Variants in IQGAP2 observed in about 807,000 individuals in gnomAD.
IQGAP2 encodes the protein ras GTPase-activating-like protein IQGAP2.
A neutral mutation model predicts 201.3 loss-of-function variants in IQGAP2; 173 were observed. The ratio of observed to expected loss-of-function variants is 0.86; its 90% CI spans 0.76 to 0.98. The LOEUF (loss-of-function observed/expected upper bound fraction) is 0.98, where lower values mean the gene tolerates loss of function less well. Ranked by LOEUF, IQGAP2 falls within the 50% of genes least tolerant of loss-of-function variation. The pLI, the probability that IQGAP2 is intolerant of heterozygous loss-of-function variation, is 0.00. For missense variants in IQGAP2, 1,687 were observed against 1,864.8 expected, an observed-to-expected ratio of 0.90 and a Z score of 1.76; for synonymous variants, 675 against 673.9, an observed-to-expected ratio of 1.00 and a Z score of -0.03.
At chr5:76,611,618 T>A (rs934489095) in intron 13 of IQGAP2, among the ~76,000 whole-genome samples, 7 of 152,158 alleles carry the variant, frequency 4.6e-5, no homozygotes, top group Non-Finnish European at 1.0e-4. Flanking sequence ...AGTCAAGTAA[T>A]AGTAAAGATA....
intron 1 of IQGAP2, among the ~76,000 whole-genome samples, chr5:76,426,458 A>G (rs961982059): frequency 6.6e-6 from 1 of 152,210 alleles, no homozygotes; most frequent in Non-Finnish European, 1.5e-5. Context: ...AAACAGTTGG[A>G]GAGGATGCCA....
At chr5:76,613,415 C>T (rs540895024) in intron 13 of IQGAP2, among the ~76,000 whole-genome samples, 1 of 152,132 alleles carries the variant, frequency 6.6e-6, no homozygotes, top group Non-Finnish European at 1.5e-5. Flanking sequence ...TTGGTCAAAT[C>T]ATCAAATCTC....
chr5:76,601,397 C>T (rs1483548753), intron 11 of IQGAP2, among the ~76,000 whole-genome samples: 1 of 152,126 alleles, frequency 6.6e-6, no homozygotes, highest in Non-Finnish European at 1.5e-5. Flanking sequence ...CAGTTGGGCC[C>T]CAAACTCCAC....
Position 76,707,422 on chromosome 5 carries a change from T to G in IQGAP2, c.*109T>G. 1.5e-6 allele frequency: 1 copy of G among 663,776 alleles called. No individual in the cohort carries two copies. Among genetic ancestry groups the G allele is most frequent in the South Asian group, 1.7e-5 (1 of 59,384 alleles). The allele number at this position is 663,776 out of a possible 1,614,324, so 41.1% of individuals were successfully genotyped here. A position where few individuals can be genotyped will look rare whatever the true frequency, so the allele number is the denominator to read the frequency against. ...GAAATCACTGCTTATAAATGTGTGA[T>G]TTTTTTAAAACGACCAAAACTGTTC... On this transcript the variant is annotated 3_prime_UTR_variant, in exon 36 of 36. Coordinates refer to ENST00000274364, the MANE Select transcript of IQGAP2 (RefSeq NM_006633.5).
intron 2 of IQGAP2, among the ~76,000 whole-genome samples, chr5:76,497,134 T>C (rs1757038198): frequency 6.6e-6 from 1 of 152,150 alleles, no homozygotes; most frequent in South Asian, 2.1e-4. Flanking sequence ...GGCCCAAATC[T>C]TTCTATTAGC....
At chr5:76,574,168 TTTAC>T (rs1371749902) in intron 4 of IQGAP2, among the ~76,000 whole-genome samples, 1 of 152,228 alleles carries the variant, frequency 6.6e-6, no homozygotes, top group Non-Finnish European at 1.5e-5. Flanking sequence ...TTATAAAATA[TTTAC>T]TTAAAGTAAA....
intron 13 of IQGAP2, among the ~76,000 whole-genome samples, chr5:76,620,479 CAAG>C (rs1749539925): frequency 6.6e-6 from 1 of 152,104 alleles, no homozygotes; most frequent in Admixed American, 6.5e-5. Flanking sequence ...TGGAGGGAGA[CAAG>C]GAGACAGGAT....
Position 76,674,606 on chromosome 5 carries a change from G to A in IQGAP2, c.3424G>A (p.Ala1142Thr). 1.2e-6 allele frequency: 2 copies of A among 1,614,098 alleles called. No individual in the cohort carries two copies. Among genetic ancestry groups the A allele is most frequent in the Non-Finnish European group, 1.7e-6 (2 of 1,179,990 alleles). ...SDQRRNLGSV[A>T]KVLQHAASNK... ...CCAAAGGAGAAACTTAGGATCAGTG[G>A]CCAAGGTTCTTCAGCACGCAGCCTC... The change falls in exon 27 of 36, where the codon GCC becomes ACC. Residue 1142 changes from alanine to threonine, a missense_variant. By Grantham distance (58) the Ala-to-Thr change is moderately conservative (BLOSUM62 0). Transcript: ENST00000274364.
At chr5:76,444,774 T>G (rs1474008347) in intron 1 of IQGAP2, among the ~76,000 whole-genome samples, 1 of 152,214 alleles carries the variant, frequency 6.6e-6, no homozygotes, top group African/African-American at 2.4e-5. Flanking sequence ...AATGACTTGC[T>G]CAAGATGGTT....
At chr5:76,465,040 G>A (rs1754697907) in intron 2 of IQGAP2, among the ~76,000 whole-genome samples, 3 of 152,064 alleles carry the variant, frequency 2.0e-5, no homozygotes, top group South Asian at 2.1e-4. Flanking sequence ...CAAAAAATAC[G>A]AAAAGAGAAA....
In IQGAP2 at chr5:76,670,235, G is replaced by C. The variant is rs576366289; in HGVS notation, c.2843+1391G>C. 3.5e-4 allele frequency among the ~76,000 whole-genome samples: 54 copies of C among 152,298 alleles called. No individual in the cohort carries two copies. The South Asian group carries it at 8.1e-3, about 23-fold the overall frequency. ...AGTCAAAAAATAAACAAAAAGGCCG[G>C]GCACGGTGGCTCACGCCTGTAGTCC... On this transcript the variant is annotated intron_variant, in intron 23 of 35. Transcript: ENST00000274364.
chr5:76,457,273 G>T (rs898838709), intron 1 of IQGAP2, among the ~76,000 whole-genome samples: 1 of 151,932 alleles, frequency 6.6e-6, no homozygotes. Context: ...TACCCCAGCC[G>T]GACATATTTC....
At chr5:76,558,954 G>A (rs1744136517) in intron 2 of IQGAP2, among the ~76,000 whole-genome samples, 1 of 151,940 alleles carries the variant, frequency 6.6e-6, no homozygotes, top group East Asian at 1.9e-4. Context: ...AGGCTGGAGT[G>A]CAGTGGCGCG....
intron 18 of IQGAP2, 115 bp from the exon 19 acceptor site, chr5:76,654,085 A>C (rs1256046952): frequency 1.6e-6 from 1 of 633,208 alleles, no homozygotes; most frequent in East Asian, 2.9e-5. Flanking sequence ...TTTCTTTATC[A>C]AGTATCATTG....
chr5:76,464,125 G>C (rs1046061214), intron 2 of IQGAP2, among the ~76,000 whole-genome samples: 1 of 152,148 alleles, frequency 6.6e-6, no homozygotes, highest in African/African-American at 2.4e-5. Context: ...GGGATGACAG[G>C]CGTGAGCCAC....
chr5:76,463,212 A>G (rs1389088371), intron 2 of IQGAP2, among the ~76,000 whole-genome samples: 4 of 152,090 alleles, frequency 2.6e-5, no homozygotes, highest in African/African-American at 9.7e-5. Context: ...AGATAGTAGA[A>G]AAACTTACTT....
chr5:76,529,784 T>A (rs907733803), intron 2 of IQGAP2, among the ~76,000 whole-genome samples: 5 of 152,084 alleles, frequency 3.3e-5, no homozygotes, highest in Non-Finnish European at 5.9e-5. Flanking sequence ...TTAACACAGA[T>A]TAGTATTTTT....
intron 28 of IQGAP2, chr5:76,677,564 C>T (rs887267315): frequency 7.6e-6 from 3 of 393,248 alleles, no homozygotes; most frequent in Non-Finnish European, 1.3e-5. Context: ...CATAATTATT[C>T]CCTGACTCCT....
chr5:76,452,494 T>C (rs1753822044), intron 1 of IQGAP2, among the ~76,000 whole-genome samples: 1 of 152,194 alleles, frequency 6.6e-6, no homozygotes, highest in South Asian at 2.1e-4. Context: ...TTAATTTTTT[T>C]CTGTTGCTGG....
Sources: gnomAD v4.1 joint callset for allele counts (sites outside exome capture counted in the v4.1 genomes callset) on GRCh38, gnomAD v4.1.1 for gene constraint, MANE v1.5 for transcripts, NCBI Gene and HGNC (gene_info 2026-07-23, HGNC 2026-07-21) for gene names.